The following ARHGAP5 variants were observed in gnomAD, a reference collection of about 807,000 sequenced individuals.
The protein encoded by ARHGAP5 is Rho GTPase activating protein 5, also known as rho GTPase-activating protein 5.
A neutral mutation model predicts 116.6 loss-of-function variants in ARHGAP5; 23 were observed. The ratio of observed to expected loss-of-function variants is 0.20; its 90% confidence interval spans 0.14 to 0.28. The LOEUF (loss-of-function observed/expected upper bound fraction) is 0.28. Among genes scored for constraint, ARHGAP5 ranks in the 10% least tolerant of loss-of-function variants. The probability of loss-of-function intolerance (pLI) is 1.00; values close to 1 mark genes in which losing one functional copy is unlikely to be tolerated. For missense variants in ARHGAP5, 1,405 were observed against 1,774.8 expected, an observed-to-expected ratio of 0.79 and a Z score of 3.74; for synonymous variants, 574 against 602.0, an observed-to-expected ratio of 0.95 and a Z score of 0.68.
At chr14:32,116,499 A>G (rs937793294) in intron 2 of ARHGAP5, among the ~76,000 whole-genome samples, 4 of 152,012 alleles carry the variant, frequency 2.6e-5, no homozygotes, top group African/African-American at 9.7e-5. Flanking sequence ...AGGCTGAGGC[A>G]GGAGAATGGC....
chr14:32,124,096 C>CT (rs1880027110), intron 3 of ARHGAP5, among the ~76,000 whole-genome samples: 1 of 152,122 alleles, frequency 6.6e-6, no homozygotes, highest in Admixed American at 6.5e-5. Context: ...TTTCTGAACT[C>CT]TCTTCTCTCT....
At chr14:32,118,289 G>T (rs1879708024) in intron 3 of ARHGAP5, among the ~76,000 whole-genome samples, 1 of 151,984 alleles carries the variant, frequency 6.6e-6, no homozygotes, top group African/African-American at 2.4e-5. Context: ...ACAAGGTCAG[G>T]AGATCAAGAC....
chr14:32,144,364 C>A (rs961534073), intron 3 of ARHGAP5, among the ~76,000 whole-genome samples: 2 of 151,714 alleles, frequency 1.3e-5, no homozygotes, highest in African/African-American at 4.8e-5. Context: ...TCTTCAAGTT[C>A]AGTTATTATT....
intron 3 of ARHGAP5, among the ~76,000 whole-genome samples, chr14:32,118,713 A>G (rs948150397): frequency 7.2e-5 from 11 of 152,164 alleles, no homozygotes; most frequent in Admixed American, 2.6e-4. Context: ...AGAAATGCAA[A>G]TGTTCTTAAA....
intron 4 of ARHGAP5, 106 bp downstream of exon 4, chr14:32,146,446 A>T (rs936176515): frequency 5.1e-6 from 4 of 778,980 alleles, no homozygotes; most frequent in Non-Finnish European, 6.4e-6. Context: ...AAGGATATGG[A>T]TGTTGAGGAG....
chr14:32,138,568 G>A (rs1364052866), intron 3 of ARHGAP5, among the ~76,000 whole-genome samples: 2 of 152,212 alleles, frequency 1.3e-5, no homozygotes, highest in Non-Finnish European at 2.9e-5. Context: ...ACAGGCGTGA[G>A]CCACTGCGCC....
At chr14:32,100,849 T>A (rs890222899) in intron 2 of ARHGAP5, among the ~76,000 whole-genome samples, 1 of 152,216 alleles carries the variant, frequency 6.6e-6, no homozygotes, top group African/African-American at 2.4e-5. Context: ...TGCTTGAAAT[T>A]TCCTGAGAAA....
chr14:32,116,087 A>G (rs1879561461), intron 2 of ARHGAP5, among the ~76,000 whole-genome samples: 1 of 150,004 alleles, frequency 6.7e-6, no homozygotes, highest in Non-Finnish European at 1.5e-5. Flanking sequence ...GCAGATTGAG[A>G]CTATCCTGGC....
intron 1 of ARHGAP5, among the ~76,000 whole-genome samples, chr14:32,081,771 A>G (rs2041777708): frequency 6.6e-6 from 1 of 151,856 alleles, no homozygotes; most frequent in African/African-American, 2.4e-5. Flanking sequence ...TAATTTGTTC[A>G]TTTTCTTTCT....
chr14:32,124,863 C>T (rs1332144975), intron 3 of ARHGAP5, among the ~76,000 whole-genome samples: 1 of 152,024 alleles, frequency 6.6e-6, no homozygotes, highest in Non-Finnish European at 1.5e-5. Context: ...GGGTAGACAT[C>T]TAGGGTGGTA....
chr14:32,129,313 A>G (rs1880356655), intron 3 of ARHGAP5, among the ~76,000 whole-genome samples: 2 of 152,178 alleles, frequency 1.3e-5, no homozygotes, highest in South Asian at 2.1e-4. Context: ...CAGGTGACCA[A>G]ATTCCAGATA....
chr14:32,107,176 T>C (rs1009980400), intron 2 of ARHGAP5, among the ~76,000 whole-genome samples: 1 of 152,214 alleles, frequency 6.6e-6, no homozygotes, highest in Admixed American at 6.5e-5. Context: ...ATGCACATAG[T>C]ATAGTAATTT....
chr14:32,151,620 G>A (rs1340844520), intron 5 of ARHGAP5, among the ~76,000 whole-genome samples: 1 of 150,410 alleles, frequency 6.6e-6, no homozygotes, highest in Non-Finnish European at 1.5e-5. Flanking sequence ...AAGTTTTATT[G>A]GAGTATAGCC....
intron 3 of ARHGAP5, among the ~76,000 whole-genome samples, chr14:32,135,738 G>C (rs143641127): frequency 2.6e-5 from 4 of 152,298 alleles, no homozygotes; most frequent in South Asian, 2.1e-4. Flanking sequence ...TTAGGTCTAA[G>C]TTTTAACCAC....
chr14:32,091,898 C>T lies in ARHGAP5; in HGVS notation c.1229C>T (p.Ala410Val). The change falls in exon 2 of 7, where the codon GCT becomes GTT. Residue 410 changes from alanine (A) to valine (V), a missense_variant. By Grantham distance (64) the Ala-to-Val change is moderately conservative. Around this residue, in one of 6 missense-constraint regions of ARHGAP5, gnomAD observed 944 missense variants for 1,095.3 expected, o/e 0.86. Transcript: ENST00000345122. The part of the protein sequence containing the change: ...IPFDLLSTLE[A>V]EKVYQNHVQH... The stretch of plus-strand genomic sequence containing the variant: ...TTTGACCTCCTGAGCACTTTAGAAG[C>T]TGAAAAAGTCTATCAGAACCATGTA... The T allele has an allele frequency of 6.2e-7, 1 of 1,613,278 alleles. No individual in the cohort carries two copies. The highest frequency in any genetic ancestry group is 8.5e-7 in the Non-Finnish European group (1 of 1,179,604).
chr14:32,079,310 T>C (rs1163266295), intron 1 of ARHGAP5, among the ~76,000 whole-genome samples: 1 of 152,150 alleles, frequency 6.6e-6, no homozygotes, highest in Non-Finnish European at 1.5e-5. Flanking sequence ...TACTGGGGAG[T>C]GAGGTGGGTT....
intron 2 of ARHGAP5, among the ~76,000 whole-genome samples, chr14:32,110,291 G>A (rs539197738): frequency 6.6e-6 from 1 of 150,944 alleles, no homozygotes; most frequent in East Asian, 1.9e-4. Flanking sequence ...AGAGTACTGG[G>A]GAGGGGCTGG....
intron 3 of ARHGAP5, among the ~76,000 whole-genome samples, chr14:32,145,616 C>T (rs1881337473): frequency 6.6e-6 from 1 of 152,204 alleles, no homozygotes; most frequent in South Asian, 2.1e-4. Flanking sequence ...ACTGTCATGT[C>T]GTTCTTCAAG....
At chr14:32,137,832 C>T (rs890387772) in intron 3 of ARHGAP5, among the ~76,000 whole-genome samples, 12 of 151,756 alleles carry the variant, frequency 7.9e-5, no homozygotes, top group Non-Finnish European at 1.6e-4. Context: ...ATTAGCCAGA[C>T]GTGGTGGCAG....
Sources: gnomAD v4.1 joint callset for allele counts (sites outside exome capture counted in the v4.1 genomes callset) on GRCh38, gnomAD v4.1.1 for gene constraint, gnomAD v4.1.1 regional missense constraint, MANE v1.5 for transcripts, NCBI Gene and HGNC (gene_info 2026-07-23, HGNC 2026-07-21) for gene names.